Variants in KIAA1328 observed in about 807,000 individuals in gnomAD.
KIAA1328 encodes KIAA1328.
A neutral mutation model predicts 68.1 loss-of-function variants in KIAA1328; 52 were observed. That is an observed-to-expected ratio of 0.76 (90% CI 0.61 to 0.96). KIAA1328 has a LOEUF of 0.96. Ranked by LOEUF, KIAA1328 falls within the 40% of genes least tolerant of loss-of-function variation. KIAA1328 has a pLI of 0.00. For synonymous variants in KIAA1328, 232 were observed against 239.4 expected (o/e 0.97, Z 0.28); for missense variants, 641 against 677.6 (o/e 0.95, Z 0.60).
downstream of KIAA1328, among the ~76,000 whole-genome samples, chr18:37,226,959 G>T (rs745334171): frequency 3.3e-5 from 5 of 152,138 alleles, no homozygotes; most frequent in Non-Finnish European, 7.4e-5. Flanking sequence ...TAGAGACGGG[G>T]TTTCCCCATG....
intron 9 of KIAA1328, among the ~76,000 whole-genome samples, chr18:37,188,438 C>T (rs931443367): frequency 1.5e-4 from 23 of 152,118 alleles, no homozygotes; most frequent in African/African-American, 5.1e-4. Context: ...TACAAACCAC[C>T]GATATACAAA....
intron 5 of KIAA1328, among the ~76,000 whole-genome samples, chr18:36,941,459 G>A (rs958167886): frequency 1.3e-5 from 2 of 152,134 alleles, no homozygotes; most frequent in Non-Finnish European, 2.9e-5. Context: ...GCCAGGCCTG[G>A]TGGTGGATGC....
intron 9 of KIAA1328, among the ~76,000 whole-genome samples, chr18:37,204,100 A>G (rs1462487399): frequency 2.6e-5 from 4 of 152,084 alleles, no homozygotes; most frequent in East Asian, 1.9e-4. Flanking sequence ...GTGAGCCACC[A>G]CGCCTGGCCG....
intron 4 of KIAA1328, among the ~76,000 whole-genome samples, chr18:36,848,207 T>C (rs1303143877): frequency 1.3e-5 from 2 of 151,686 alleles, no homozygotes; most frequent in Admixed American, 6.6e-5. Context: ...CAAAAAGTTA[T>C]CTATTAAGTA....
intron 7 of KIAA1328, among the ~76,000 whole-genome samples, chr18:37,112,894 G>A (rs1001011749): frequency 6.6e-6 from 1 of 152,182 alleles, no homozygotes; most frequent in African/African-American, 2.4e-5. Flanking sequence ...CGATCAAGTG[G>A]AAGAAAGGGT....
intron 6 of KIAA1328, among the ~76,000 whole-genome samples, chr18:37,012,791 A>C (rs1019647269): frequency 3.3e-5 from 5 of 152,224 alleles, no homozygotes; most frequent in African/African-American, 1.2e-4. Flanking sequence ...AGCAAAGCTA[A>C]TAATCTATAT....
intron 4 of KIAA1328, among the ~76,000 whole-genome samples, chr18:36,848,785 G>A (rs995843375): frequency 2.7e-4 from 40 of 146,268 alleles, no homozygotes; most frequent in African/African-American, 9.2e-4. Flanking sequence ...AGTAGAATTT[G>A]TCAATTTTTT....
intron 9 of KIAA1328, among the ~76,000 whole-genome samples, chr18:37,204,202 A>G (rs1356704824): frequency 6.6e-6 from 1 of 152,238 alleles, no homozygotes; most frequent in Non-Finnish European, 1.5e-5. Context: ...TTATGACCTT[A>G]AAACATCTAG....
intron 7 of KIAA1328, among the ~76,000 whole-genome samples, chr18:37,073,502 A>G (rs1279831079): frequency 6.6e-6 from 1 of 152,246 alleles, no homozygotes; most frequent in Non-Finnish European, 1.5e-5. Context: ...AAGGTTCCAC[A>G]TGTCTCTGAC....
At chr18:36,913,074 A>G (rs759305900) in intron 5 of KIAA1328, among the ~76,000 whole-genome samples, 4 of 152,082 alleles carry the variant, frequency 2.6e-5, no homozygotes, top group African/African-American at 4.8e-5. Context: ...AAGGTGGCAC[A>G]TGTTTGTGGC....
chr18:37,038,689 T>C lies in KIAA1328; in HGVS notation c.577-28201T>C, dbSNP rs1019852672. Among the ~76,000 whole-genome samples, 9 of 152,270 alleles carry C rather than the reference T, an allele frequency of 5.9e-5. No homozygotes were observed. In the South Asian group the frequency reaches 1.9e-3, roughly 32 times the overall value. ...TTTCACTTTCTTTTCATAATGTATGTCTTTTTTTTTCTTGCCTTATTGCAC... is the reference window on the plus strand; with the variant it reads ...TTTCACTTTCTTTTCATAATGTATGCCTTTTTTTTTCTTGCCTTATTGCAC... On this transcript the variant is annotated intron_variant, in intron 6 of 9. Transcript: ENST00000280020.
At chr18:36,961,258 C>A (rs4602109) in intron 6 of KIAA1328, among the ~76,000 whole-genome samples, 136,571 of 152,158 alleles carry the variant, frequency 0.9, 63,180 homozygotes, top group East Asian at 1. Context: ...AGAAGACAAG[C>A]TTAGAGAAAA....
intron 6 of KIAA1328, among the ~76,000 whole-genome samples, chr18:37,032,273 C>T (rs1322744205): frequency 6.6e-6 from 1 of 152,172 alleles, no homozygotes; most frequent in Non-Finnish European, 1.5e-5. Context: ...TTTCCCACTT[C>T]CATTTGTTCT....
intron 6 of KIAA1328, among the ~76,000 whole-genome samples, chr18:36,964,361 T>C (rs1358411244): frequency 1.3e-5 from 2 of 152,222 alleles, no homozygotes; most frequent in Non-Finnish European, 2.9e-5. Context: ...GATTTTATGA[T>C]GACGATGGCA....
intron 7 of KIAA1328, among the ~76,000 whole-genome samples, chr18:37,103,448 C>T (rs574243898): frequency 1.3e-5 from 2 of 152,148 alleles, no homozygotes; most frequent in East Asian, 1.9e-4. Context: ...ACTGGATATC[C>T]GTATGCGTAT....
chr18:37,107,127 A>C lies in KIAA1328; in HGVS notation c.1232+39582A>C, dbSNP rs536620911. Among the ~76,000 whole-genome samples, 7 of 152,312 alleles carry C rather than the reference A, an allele frequency of 4.6e-5. No individual in the cohort carries two copies. The South Asian group carries it at 1.2e-3, about 27-fold the overall frequency. On this transcript the variant is annotated intron_variant, in intron 7 of 9. Transcript: ENST00000280020. The stretch of plus-strand genomic sequence containing the variant: ...CATGGTGGTGCACACCTGTAATCCC[A>C]GCTACTCAGGAGGCTGAGACAGGAG...
At chr18:37,175,602 A>G (rs2059584623) in intron 9 of KIAA1328, among the ~76,000 whole-genome samples, 1 of 152,204 alleles carries the variant, frequency 6.6e-6, no homozygotes, top group South Asian at 2.1e-4. Flanking sequence ...GTTAAAAAAA[A>G]AAAATCAGAG....
At chr18:37,040,014 C>T (rs971285032) in intron 6 of KIAA1328, among the ~76,000 whole-genome samples, 1 of 152,150 alleles carries the variant, frequency 6.6e-6, no homozygotes, top group Non-Finnish European at 1.5e-5. Context: ...TTAATAGAGG[C>T]TGCACACATT....
chr18:36,917,278 G>T (rs933756812), intron 5 of KIAA1328, among the ~76,000 whole-genome samples: 1 of 151,996 alleles, frequency 6.6e-6, no homozygotes, highest in Non-Finnish European at 1.5e-5. Context: ...TGTCTTGTTT[G>T]TTAAGAGGCA....
Sources: gnomAD v4.1 joint callset for allele counts (sites outside exome capture counted in the v4.1 genomes callset) on GRCh38, gnomAD v4.1.1 for gene constraint, MANE v1.5 for transcripts, NCBI Gene and HGNC (gene_info 2026-07-23, HGNC 2026-07-21) for gene names.